The following PPARGC1A variants were observed in gnomAD, a reference collection of about 807,000 sequenced individuals.
PPARGC1A encodes the protein PPARG coactivator 1 alpha, also known as peroxisome proliferator-activated receptor gamma coactivator 1-alpha.
A neutral mutation model predicts 88.7 loss-of-function variants in PPARGC1A; 25 were observed. The observed-to-expected ratio is 0.28, with a 90% CI of 0.21 to 0.39. PPARGC1A has a LOEUF of 0.39. Among genes scored for constraint, PPARGC1A ranks in the 10% least tolerant of loss-of-function variants. The pLI, the probability that PPARGC1A is intolerant of heterozygous loss-of-function variation, is 1.00. For synonymous variants in PPARGC1A, 363 were observed against 355.6 expected (o/e 1.02, Z -0.24); for missense variants, 880 against 968.7 (o/e 0.91, Z 1.22).
Position 23,824,291 on chromosome 4 carries a change from G to T in PPARGC1A, c.866C>A (p.Ser289Tyr). Residue 289 changes from serine (S) to tyrosine (Y), a missense_variant, in exon 7 of 13, where the codon TCT (serine) becomes TAT (tyrosine). Ser to Tyr is a moderately radical substitution (Grantham distance 144). Coordinates refer to ENST00000264867, the MANE Select transcript of PPARGC1A (RefSeq NM_013261.5). ...TIERTLSVEL[S>Y]GTAGLTPPTT... ...AATATAAGGCTTACCTGCAGTTCCA[G>T]AGAGTTCCACACTTAAGGTGCGTTC... The T allele has an allele frequency of 1.9e-6, 3 of 1,613,258 alleles. No homozygotes were observed. The highest frequency in any genetic ancestry group is 2.5e-6 in the Non-Finnish European group (3 of 1,179,460).
chr4:24,426,999 G>A, the PPARGC1A span, among the ~76,000 whole-genome samples: 4 of 152,074 alleles, frequency 2.6e-5, no homozygotes, highest in African/African-American at 4.8e-5. Context: ...CTTCACCTCC[G>A]TGAAATGACA....
the PPARGC1A span, among the ~76,000 whole-genome samples, chr4:24,432,606 G>A: frequency 6.6e-6 from 1 of 152,164 alleles, no homozygotes; most frequent in African/African-American, 2.4e-5. Context: ...AATGAGAGGT[G>A]CCCTGGAAGA....
chr4:24,379,859 A>G, the PPARGC1A span, among the ~76,000 whole-genome samples: 1 of 145,666 alleles, frequency 6.9e-6, no homozygotes, highest in Non-Finnish European at 1.5e-5. Context: ...GCTCACTGCT[A>G]TCTCCACCTC....
the PPARGC1A span, among the ~76,000 whole-genome samples, chr4:24,068,696 G>A: frequency 6.6e-6 from 1 of 152,262 alleles, no homozygotes; most frequent in African/African-American, 2.4e-5. Context: ...GAAAAGGTAT[G>A]CAGTAATGTT....
At chr4:24,420,416 G>T in the PPARGC1A span, among the ~76,000 whole-genome samples, 1 of 152,098 alleles carries the variant, frequency 6.6e-6, no homozygotes, top group South Asian at 2.1e-4. Context: ...TTTCCGGCGC[G>T]TTGAAGGCAT....
the PPARGC1A span, among the ~76,000 whole-genome samples, chr4:24,149,070 A>G: frequency 6.6e-6 from 1 of 151,756 alleles, no homozygotes; most frequent in African/African-American, 2.4e-5. Flanking sequence ...TACTATACTT[A>G]TTTGTAAGTT....
At chr4:24,277,897 G>A in the PPARGC1A span, among the ~76,000 whole-genome samples, 1 of 152,060 alleles carries the variant, frequency 6.6e-6, no homozygotes, top group Admixed American at 6.6e-5. Context: ...AATAAGGGGT[G>A]GGTGTGGTGG....
At chr4:24,111,708 G>T in the PPARGC1A span, among the ~76,000 whole-genome samples, 1 of 152,118 alleles carries the variant, frequency 6.6e-6, no homozygotes, top group African/African-American at 2.4e-5. Flanking sequence ...CCCTAAAGAA[G>T]CTAATTGCAT....
At position 23,794,477 on chromosome 4, in the gene PPARGC1A, A is replaced by G. The variant is rs373587908; in HGVS notation, c.*1345T>C. On this transcript the variant is annotated 3_prime_UTR_variant, in exon 13 of 13. Coordinates refer to ENST00000264867, the MANE Select transcript of PPARGC1A (RefSeq NM_013261.5). ...CCTAAGGGATGGATGTGCGGAAAGC[A>G]TCATTTTGCTCTTGTTGCACTCAAC... 28 of 152,606 alleles carry G rather than the reference A, an allele frequency of 1.8e-4. No homozygotes were observed. The East Asian group carries it at 4.6e-3, about 25-fold the overall frequency. 9.5% of individuals were successfully genotyped at this position (152,606 alleles called of 1,614,324 possible).
the PPARGC1A span, among the ~76,000 whole-genome samples, chr4:24,358,926 A>G: frequency 8.4e-4 from 128 of 152,076 alleles, no homozygotes; most frequent in Non-Finnish European, 1.5e-3. Context: ...CCATTTTCCC[A>G]CCTATGTGTT....
intron 2 of PPARGC1A, chr4:23,881,402 A>G (rs188916570): frequency 6.6e-4 from 101 of 152,230 alleles, no homozygotes; most frequent in African/African-American, 2.4e-3. Flanking sequence ...GCATGTTGCT[A>G]CCCCTCTGCC....
the PPARGC1A span, among the ~76,000 whole-genome samples, chr4:24,066,736 C>T: frequency 6.6e-6 from 1 of 151,950 alleles, no homozygotes; most frequent in Non-Finnish European, 1.5e-5. Flanking sequence ...CAGTCCCACT[C>T]GGGGAGTGAT....
chr4:24,464,914 T>C, the PPARGC1A span, among the ~76,000 whole-genome samples: 1 of 152,176 alleles, frequency 6.6e-6, no homozygotes, highest in African/African-American at 2.4e-5. Flanking sequence ...AGTAGCAAGC[T>C]TCCCCTCTGC....
At chr4:23,900,196 T>C (rs1560537893), upstream of PPARGC1A, among the ~76,000 whole-genome samples, 1 of 152,202 alleles carries the variant, frequency 6.6e-6, no homozygotes. Context: ...AGAATAGGAT[T>C]ACATATTCTC....
At chr4:24,078,503 G>C in the PPARGC1A span, among the ~76,000 whole-genome samples, 1 of 152,010 alleles carries the variant, frequency 6.6e-6, no homozygotes, top group Admixed American at 6.6e-5. Context: ...CCAGATATCT[G>C]GCTGAACTTC....
chr4:23,801,430 C>T (rs1285628241), intron 12 of PPARGC1A, among the ~76,000 whole-genome samples: 4 of 152,072 alleles, frequency 2.6e-5, no homozygotes, highest in African/African-American at 9.7e-5. Context: ...CATGCACACA[C>T]AACACACATA....
chr4:23,880,070 T>C (rs1023383800), intron 2 of PPARGC1A: 5 of 152,164 alleles, frequency 3.3e-5, no homozygotes, highest in Admixed American at 3.3e-4. Flanking sequence ...TATGCATGCA[T>C]ATATGCATAC....
the PPARGC1A span, among the ~76,000 whole-genome samples, chr4:24,147,585 C>T: frequency 1.3e-5 from 2 of 152,210 alleles, no homozygotes; most frequent in Non-Finnish European, 1.5e-5. Flanking sequence ...TGAAAATGGC[C>T]ACAAGGTCAG....
At chr4:24,304,957 C>G in the PPARGC1A span, among the ~76,000 whole-genome samples, 7 of 151,828 alleles carry the variant, frequency 4.6e-5, no homozygotes, top group Non-Finnish European at 8.8e-5. Flanking sequence ...AAACCCCGCG[C>G]CAGGTATGAA....
Sources: allele counts gnomAD v4.1 joint callset (sites outside exome capture counted in the v4.1 genomes callset), GRCh38; gene constraint gnomAD v4.1.1; transcripts MANE v1.5; gene names NCBI Gene and HGNC (gene_info 2026-07-23, HGNC 2026-07-21).